ZNF516: variants seen among roughly 807,000 people sequenced by gnomAD.
ZNF516 encodes the protein zinc finger protein 516.
Under a neutral mutation model 79.7 loss-of-function variants are expected in ZNF516, and 19 were observed. That is an observed-to-expected ratio of 0.24 (90% confidence interval 0.17 to 0.35). The LOEUF (loss-of-function observed/expected upper bound fraction) is 0.35. ZNF516 is among the 10% of genes least tolerant of loss of function. The pLI, the probability that ZNF516 is intolerant of heterozygous loss-of-function variation, is 1.00. For synonymous variants in ZNF516, 877 were observed against 739.5 expected (o/e 1.19, Z -3.02); for missense variants, 1,678 against 1,679.5 (o/e 1.00, Z 0.02).
intron 1 of ZNF516, among the ~76,000 whole-genome samples, chr18:76,488,740 C>T (rs1914985313): frequency 6.6e-6 from 1 of 152,202 alleles, no homozygotes; most frequent in South Asian, 2.1e-4. Context: ...AGTTCTATTA[C>T]TAATAATTAA....
At chr18:76,406,162 C>T (rs1361817136) in intron 3 of ZNF516, among the ~76,000 whole-genome samples, 1 of 152,226 alleles carries the variant, frequency 6.6e-6, no homozygotes, top group African/African-American at 2.4e-5. Flanking sequence ...GCCCGCGCTG[C>T]CCAGACCCCA....
At chr18:76,436,695 C>T (rs1365834592) in intron 3 of ZNF516, among the ~76,000 whole-genome samples, 2 of 152,158 alleles carry the variant, frequency 1.3e-5, no homozygotes, top group African/African-American at 4.8e-5. Context: ...CACAGGCAGA[C>T]ACCCCTCCCA....
chr18:76,426,553 G>T (rs749487491), intron 3 of ZNF516, among the ~76,000 whole-genome samples: 25 of 151,822 alleles, frequency 1.6e-4, no homozygotes, highest in Admixed American at 6.5e-4. Context: ...AGTATTTATT[G>T]TTTATCTAAA....
intron 3 of ZNF516, among the ~76,000 whole-genome samples, chr18:76,397,163 A>G (rs2040945602): frequency 6.6e-6 from 1 of 152,180 alleles, no homozygotes; most frequent in East Asian, 1.9e-4. Flanking sequence ...GGGAGACCCA[A>G]GCCCCAAACA....
chr18:76,491,097 G>A, intron 1 of ZNF516: 1 of 985,058 alleles, frequency 1.0e-6, no homozygotes, highest in South Asian at 4.7e-5. Context: ...TCGGGGCCAC[G>A]CCTTTCCCAC....
At chr18:76,487,253 G>A (rs1200415716) in intron 1 of ZNF516, among the ~76,000 whole-genome samples, 1 of 152,200 alleles carries the variant, frequency 6.6e-6, no homozygotes, top group African/African-American at 2.4e-5. Context: ...GCTTTGGAAA[G>A]AGAAGCTTCA....
In ZNF516 at chr18:76,360,680, A is replaced by T. The variant is rs1231097472; in HGVS notation, c.*1818T>A. ...ATATATATATATATATATATATATA[A>T]GCTAGCCAGTTACATTGCATCGTTT... On this transcript the variant is annotated 3_prime_UTR_variant, in exon 7 of 7. Coordinates refer to ENST00000443185, the MANE Select transcript of ZNF516 (RefSeq NM_014643.4). The T allele has an allele frequency of 1.1e-5, 1 of 94,116 alleles. No homozygotes were observed. Among genetic ancestry groups the T allele is most frequent in the Non-Finnish European group, 2.2e-5 (1 of 45,294 alleles). The allele number at this position is 94,116 out of a possible 1,614,324, so 5.8% of individuals were successfully genotyped here.
At chr18:76,384,259 C>T (rs1286225331) in intron 3 of ZNF516, among the ~76,000 whole-genome samples, 1 of 150,918 alleles carries the variant, frequency 6.6e-6, no homozygotes, top group Non-Finnish European at 1.5e-5. Context: ...CCCGTGCCCC[C>T]TCCACGGCCC....
rs761537505 is a variant in ZNF516 at position 76,380,212 on chromosome 18, G to A, written c.1902C>T (p.Ala634=). The change falls in exon 4 of 7, where the codon GCC becomes GCT. Residue 634 remains alanine, a synonymous_variant. Coordinates refer to ENST00000443185, the MANE Select transcript of ZNF516 (RefSeq NM_014643.4). ...GDQSHKMGDN[A]SERDTGESKA... is the part of the protein sequence containing the mutation. ...TGGACTCGCCGGTGTCTCTTTCCGA[G>A]GCGTTATCTCCCATCTTGTGACTCT... 2.3e-5 allele frequency: 37 copies of A among 1,613,856 alleles called. No homozygotes were observed. Among genetic ancestry groups the A allele is most frequent in the Non-Finnish European group, 3.0e-5 (35 of 1,179,904 alleles).
At chr18:76,381,043 T>C (rs1044980400) in intron 3 of ZNF516, among the ~76,000 whole-genome samples, 1 of 152,170 alleles carries the variant, frequency 6.6e-6, no homozygotes, top group African/African-American at 2.4e-5. Context: ...GCGCCCCTGA[T>C]GGTCGGACCT....
At chr18:76,402,127 C>T (rs757776401) in intron 3 of ZNF516, among the ~76,000 whole-genome samples, 22 of 152,188 alleles carry the variant, frequency 1.4e-4, no homozygotes, top group South Asian at 4.1e-4. Context: ...CTTAGCCCCG[C>T]GCCTTCTATT....
chr18:76,463,375 C>T (rs985008155), intron 1 of ZNF516, among the ~76,000 whole-genome samples: 3 of 152,222 alleles, frequency 2.0e-5, no homozygotes, highest in Non-Finnish European at 4.4e-5. Context: ...GAGAAGCATT[C>T]AACAGTCACA....
intron 3 of ZNF516, among the ~76,000 whole-genome samples, chr18:76,428,937 T>G (rs2075628704): frequency 6.6e-6 from 1 of 152,202 alleles, no homozygotes; most frequent in Admixed American, 6.5e-5. Context: ...GAGCTCCTCC[T>G]GCCATAGCTA....
At chr18:76,419,257 C>A (rs538898354) in intron 3 of ZNF516, among the ~76,000 whole-genome samples, 23 of 152,160 alleles carry the variant, frequency 1.5e-4, no homozygotes, top group Non-Finnish European at 3.1e-4. Flanking sequence ...GGGATAGAGA[C>A]AAGTATCTTC....
In ZNF516 at chr18:76,493,018, T is replaced by G. The variant is rs1915327869; in HGVS notation, c.-272+2126A>C. The G allele has an allele frequency of 1.0e-6, 1 of 985,118 alleles. No homozygotes were observed. The allele number at this position is 985,118 out of a possible 1,614,324, so 61.0% of individuals were successfully genotyped here. A position where few individuals can be genotyped will look rare whatever the true frequency, so the allele number is the denominator to read the frequency against. Reference sequence around the variant, plus strand: ...CACACACCCCAAATTACCTCCGGGATGGAGAAAGCCGCTGCGGATTGGCCA... The same window carrying G: ...CACACACCCCAAATTACCTCCGGGAGGGAGAAAGCCGCTGCGGATTGGCCA... On this transcript the variant is annotated intron_variant, in intron 1 of 6. Transcript: ENST00000443185. The surrounding 1 kb of genome is among the most constrained non-coding windows in gnomAD (Gnocchi z 5.2).
Position 76,379,428 on chromosome 18 carries a change from G to T in ZNF516, c.2686C>A (p.Pro896Thr), listed in dbSNP as rs201885954. 4.5e-4 allele frequency: 720 copies of T among 1,611,898 alleles called. 3 individuals are homozygous for T. In the African/African-American group the frequency reaches 8.3e-3, roughly 19 times the overall value. The change falls in exon 4 of 7, where the codon CCA becomes ACA. Residue 896 changes from proline to threonine, a missense_variant. This residue lies in a region of ZNF516 where 1,294 missense variants were observed against 1,248.3 expected (regional missense o/e 1.04). Transcript: ENST00000443185. ...GGCCCCTGTGTGGCCGCGCCATGTG[G>T]CTCCTGGCCGTGACAAGGTTTGGTC... ...RQTKPCHGQEPHGAATQGPLA... is the reference protein window; with the variant it reads ...RQTKPCHGQETHGAATQGPLA...
At chr18:76,479,509 G>A (rs1213219656) in intron 1 of ZNF516, among the ~76,000 whole-genome samples, 2 of 152,146 alleles carry the variant, frequency 1.3e-5, no homozygotes, top group African/African-American at 4.8e-5. Context: ...TAACCCCTGG[G>A]GCAGGCTGGC....
chr18:76,384,174 A>C (rs1015877613), intron 3 of ZNF516, among the ~76,000 whole-genome samples: 2 of 152,088 alleles, frequency 1.3e-5, no homozygotes, highest in Non-Finnish European at 2.9e-5. Flanking sequence ...AACCTCCCAG[A>C]GAAATTAAGC....
chr18:76,493,178 G>A lies in ZNF516; in HGVS notation c.-272+1966C>T. ...AGAGCTCTGAAAGTTAGCCATCTGC[G>A]CAGAGTTTGCCTTCTTTAAGGAGGG... On this transcript the variant is annotated intron_variant, in intron 1 of 6. Transcript: ENST00000443185. This position sits in a 1 kb window ranked among gnomAD's most constrained non-coding sequence, Gnocchi z 5.2. 1.0e-6 allele frequency: 1 copy of A among 985,138 alleles called. No individual in the cohort carries two copies. Among genetic ancestry groups the A allele is most frequent in the Non-Finnish European group, 1.2e-6 (1 of 829,822 alleles). The allele number at this position is 985,138 out of a possible 1,614,324, so 61.0% of individuals were successfully genotyped here.
Sources: gnomAD v4.1 joint callset for allele counts (sites outside exome capture counted in the v4.1 genomes callset) on GRCh38, gnomAD v4.1.1 for gene constraint, gnomAD v4.1.1 regional missense constraint, Gnocchi (gnomAD v3.1) non-coding constraint, MANE v1.5 for transcripts, NCBI Gene and HGNC (gene_info 2026-07-23, HGNC 2026-07-21) for gene names.